The following AGBL1 variants were observed in gnomAD, a reference collection of about 807,000 sequenced individuals.
The protein encoded by AGBL1 is cytosolic carboxypeptidase 4.
Under a neutral mutation model 118.9 loss-of-function variants are expected in AGBL1, and 130 were observed. The observed-to-expected ratio is 1.09, with a 90% CI of 0.95 to 1.26. AGBL1 has a LOEUF of 1.26. Ranked by LOEUF, AGBL1 falls within the 50% of genes most tolerant of loss-of-function variation. AGBL1 has a pLI of 0.00. For missense variants in AGBL1, 1,584 were observed against 1,298.1 expected (o/e 1.22, Z -3.38); for synonymous variants, 555 against 478.9 (o/e 1.16, Z -2.08).
intron 5 of AGBL1, among the ~76,000 whole-genome samples, chr15:86,175,842 C>G (rs1184868928): frequency 6.6e-6 from 1 of 152,120 alleles, no homozygotes; most frequent in Non-Finnish European, 1.5e-5. Flanking sequence ...CCACTGTGAT[C>G]TGAAAAGATA....
intron 17 of AGBL1, among the ~76,000 whole-genome samples, chr15:86,326,340 G>A (rs992193038): frequency 1.5e-4 from 23 of 152,258 alleles, no homozygotes; most frequent in Admixed American, 8.5e-4. Context: ...GCCATCTGGT[G>A]TGGGGGAAAA....
At chr15:86,920,788 C>T (rs1191686118), downstream of AGBL1, among the ~76,000 whole-genome samples, 2 of 152,176 alleles carry the variant, frequency 1.3e-5, no homozygotes, top group Non-Finnish European at 2.9e-5. Flanking sequence ...TCGACAAGTA[C>T]AGCTCCAGGT....
intron 18 of AGBL1, among the ~76,000 whole-genome samples, chr15:86,458,248 T>C (rs2142080816): frequency 6.6e-6 from 1 of 152,192 alleles, no homozygotes; most frequent in Middle Eastern, 3.4e-3. Context: ...TTTTAAGAAG[T>C]AGACTACAAA....
At position 86,989,987 on chromosome 15, in the gene AGBL1, A is replaced by C. The variant is rs916135865; in HGVS notation, c.3323+1899A>C. Among the ~76,000 whole-genome samples the C allele has an allele frequency of 2.0e-5, 3 of 152,344 alleles. No individual in the cohort carries two copies. The South Asian group carries it at 6.2e-4, about 32-fold the overall frequency. On this transcript the variant is annotated intron_variant, in intron 24 of 24. Coordinates refer to the AGBL1 transcript ENST00000441037. ...GACACAGCAGCATATCTGACCTGACAGGTTCTAAATATCAGATGCTTCATT... is the reference window on the plus strand; with the variant it reads ...GACACAGCAGCATATCTGACCTGACCGGTTCTAAATATCAGATGCTTCATT...
At chr15:86,532,329 G>T (rs1445166688) in intron 19 of AGBL1, among the ~76,000 whole-genome samples, 3 of 151,622 alleles carry the variant, frequency 2.0e-5, no homozygotes, top group Non-Finnish European at 2.9e-5. Context: ...GACAAACAGA[G>T]AGCCAAATCA....
chr15:86,481,253 G>C (rs1055542273), intron 18 of AGBL1, among the ~76,000 whole-genome samples: 16 of 150,656 alleles, frequency 1.1e-4, no homozygotes, highest in African/African-American at 3.9e-4. Flanking sequence ...GCTTTCCTAA[G>C]CTTTCCTTGA....
rs925933846 is a variant in AGBL1, at chr15:86,696,634, A to G, written c.3158+22198A>G. Reference sequence around the variant, plus strand: ...GAGGTACTATTCCGTTCATTGGGCTATTTGTTGCCTGAATACCTTGTTGTT... The same window carrying G: ...GAGGTACTATTCCGTTCATTGGGCTGTTTGTTGCCTGAATACCTTGTTGTT... On this transcript the variant is annotated intron_variant, in intron 22 of 22. Transcript: ENST00000614907. Among the ~76,000 whole-genome samples the G allele has an allele frequency of 4.0e-5, 6 of 151,648 alleles. No homozygotes were observed. In the East Asian group the frequency reaches 9.7e-4, roughly 25 times the overall value.
At chr15:86,095,732 T>C (rs1896336442) in intron 1 of AGBL1, among the ~76,000 whole-genome samples, 2 of 146,820 alleles carry the variant, frequency 1.4e-5, no homozygotes, top group Admixed American at 1.4e-4. Context: ...TAATACTCTC[T>C]GTGGTTGGGG....
intron 21 of AGBL1, among the ~76,000 whole-genome samples, chr15:86,658,218 G>A (rs966344216): frequency 2.0e-5 from 3 of 152,178 alleles, no homozygotes; most frequent in Admixed American, 6.5e-5. Context: ...CTATCATGAA[G>A]CAATTAATAA....
chr15:86,193,808 T>G (rs2077758384), intron 5 of AGBL1, among the ~76,000 whole-genome samples: 1 of 152,176 alleles, frequency 6.6e-6, no homozygotes, highest in South Asian at 2.1e-4. Flanking sequence ...TTTGGAATAT[T>G]TTCTACGTTT....
At chr15:86,793,579 T>C (rs1193683914) in intron 22 of AGBL1, among the ~76,000 whole-genome samples, 3 of 152,190 alleles carry the variant, frequency 2.0e-5, no homozygotes, top group Admixed American at 1.3e-4. Context: ...TAAAATATGA[T>C]AGCAGAAGCA....
chr15:86,405,156 C>T (rs2081506347), intron 18 of AGBL1, among the ~76,000 whole-genome samples: 1 of 152,152 alleles, frequency 6.6e-6, no homozygotes, highest in Admixed American at 6.5e-5. Context: ...ATATAATTGA[C>T]TATCTAAGTG....
intron 6 of AGBL1, among the ~76,000 whole-genome samples, chr15:86,235,018 G>A (rs8029443): frequency 0.037 from 5,637 of 152,040 alleles, 340 homozygotes; most frequent in African/African-American, 0.13. Flanking sequence ...AATATTTTAC[G>A]GTTTGTGGAT....
intron 23 of AGBL1, among the ~76,000 whole-genome samples, chr15:86,986,126 G>A (rs895118499): frequency 7.2e-5 from 11 of 152,064 alleles, no homozygotes; most frequent in Non-Finnish European, 1.0e-4. Context: ...GTTTCGCCAC[G>A]TTGGCCAGGC....
At chr15:86,313,782 T>G (rs2079956171) in intron 17 of AGBL1, among the ~76,000 whole-genome samples, 1 of 152,246 alleles carries the variant, frequency 6.6e-6, no homozygotes, top group Admixed American at 6.5e-5. Flanking sequence ...AAGCACTTTC[T>G]TGGAATAACT....
At chr15:86,919,064 C>G (rs544953776), downstream of AGBL1, among the ~76,000 whole-genome samples, 10 of 152,264 alleles carry the variant, frequency 6.6e-5, no homozygotes, top group Admixed American at 3.3e-4. Context: ...TGCAGACTTA[C>G]GCTCAGAGAT....
At chr15:86,497,522 C>G (rs1024029113) in intron 18 of AGBL1, among the ~76,000 whole-genome samples, 1 of 151,974 alleles carries the variant, frequency 6.6e-6, no homozygotes. Flanking sequence ...TTTATTTTCA[C>G]TGAAATGTGT....
At chr15:86,395,898 TTTTC>T (rs1242912781) in intron 17 of AGBL1, among the ~76,000 whole-genome samples, 1 of 152,000 alleles carries the variant, frequency 6.6e-6, no homozygotes, top group Admixed American at 6.6e-5. Context: ...ATATTCAATT[TTTTC>T]TTTCTTTGTG....
chr15:86,736,727 A>G (rs954382180), intron 22 of AGBL1, among the ~76,000 whole-genome samples: 2 of 152,196 alleles, frequency 1.3e-5, no homozygotes, highest in Non-Finnish European at 2.9e-5. Flanking sequence ...CCATGGGGAT[A>G]AGGACATAAG....
Sources: gnomAD v4.1 joint callset for allele counts (sites outside exome capture counted in the v4.1 genomes callset) on GRCh38, gnomAD v4.1.1 for gene constraint, MANE v1.5 for transcripts, NCBI Gene and HGNC (gene_info 2026-07-23, HGNC 2026-07-21) for gene names.